Variants in OPCML observed in about 807,000 individuals in gnomAD.
OPCML encodes opioid binding protein/cell adhesion molecule like.
OPCML carries 13 observed loss-of-function variants against 37.8 expected under a neutral mutation model. The ratio of observed to expected loss-of-function variants is 0.34; its 90% confidence interval spans 0.22 to 0.55. The LOEUF (loss-of-function observed/expected upper bound fraction) is 0.55. Ranked by LOEUF, OPCML falls within the 20% of genes least tolerant of loss-of-function variation. The pLI is 0.91. For missense variants in OPCML, 341 were observed against 435.6 expected (o/e 0.78, Z 1.93); for synonymous variants, 176 against 168.8 (o/e 1.04, Z -0.33).
intron 3 of OPCML, among the ~76,000 whole-genome samples, chr11:132,650,198 G>C (rs902433575): frequency 6.6e-6 from 1 of 152,174 alleles, no homozygotes; most frequent in African/African-American, 2.4e-5. Flanking sequence ...CTAACTAGCA[G>C]TGTTAGTAAG....
intron 2 of OPCML, among the ~76,000 whole-genome samples, chr11:132,887,267 C>CT (rs2038138497): frequency 6.6e-6 from 1 of 152,190 alleles, no homozygotes; most frequent in Non-Finnish European, 1.5e-5. Context: ...ACCACGGAGC[C>CT]TAGGTGTGTG....
At chr11:132,430,971 G>T (rs533851772) in intron 7 of OPCML, among the ~76,000 whole-genome samples, 2 of 152,272 alleles carry the variant, frequency 1.3e-5, no homozygotes, top group East Asian at 3.9e-4. Flanking sequence ...CGAACTGAGA[G>T]AAAGTGAGTC....
chr11:133,217,548 T>C (rs516253), intron 1 of OPCML, among the ~76,000 whole-genome samples: 119,202 of 152,142 alleles, frequency 0.78, 47,072 homozygotes, highest in African/African-American at 0.87. Flanking sequence ...CACTTCCCTC[T>C]GCCCCACACG....
At chr11:133,096,102 A>G (rs1388579379) in intron 1 of OPCML, among the ~76,000 whole-genome samples, 1 of 150,180 alleles carries the variant, frequency 6.7e-6, no homozygotes, top group East Asian at 2.0e-4. Flanking sequence ...TTTCAAAGTT[A>G]TAATAGCAAC....
intron 3 of OPCML, among the ~76,000 whole-genome samples, chr11:132,559,369 G>A (rs1422755453): frequency 6.6e-6 from 1 of 152,180 alleles, no homozygotes; most frequent in Non-Finnish European, 1.5e-5. Flanking sequence ...AAGAAGTCAG[G>A]AGGGAGATGG....
At chr11:132,463,569 C>T (rs1168193362) in intron 4 of OPCML, among the ~76,000 whole-genome samples, 1 of 152,216 alleles carries the variant, frequency 6.6e-6, no homozygotes, top group South Asian at 2.1e-4. Context: ...CTGTACCACA[C>T]TGCAAGGATT....
chr11:132,811,866 G>A (rs1044186068), intron 2 of OPCML, among the ~76,000 whole-genome samples: 4 of 152,220 alleles, frequency 2.6e-5, no homozygotes, highest in Non-Finnish European at 5.9e-5. Flanking sequence ...TCAATAGGCA[G>A]ACGGATTAGA....
intron 1 of OPCML, among the ~76,000 whole-genome samples, chr11:133,479,035 T>C (rs1947313925): frequency 6.6e-6 from 1 of 152,208 alleles, no homozygotes; most frequent in South Asian, 2.1e-4. Flanking sequence ...ATCTGTATAA[T>C]GGAGATGATA....
intron 1 of OPCML, among the ~76,000 whole-genome samples, chr11:132,950,578 G>C (rs1272078768): frequency 6.6e-6 from 1 of 152,194 alleles, no homozygotes; most frequent in Non-Finnish European, 1.5e-5. Context: ...TTGAAGCTTA[G>C]CATGGAGGAC....
At chr11:132,994,234 CGG>C (rs1946836698) in intron 1 of OPCML, among the ~76,000 whole-genome samples, 1 of 152,172 alleles carries the variant, frequency 6.6e-6, no homozygotes, top group Non-Finnish European at 1.5e-5. Context: ...TGCCAGGAGC[CGG>C]CGCGCGCGGG....
At chr11:133,016,875 C>T (rs1017847537) in intron 1 of OPCML, among the ~76,000 whole-genome samples, 1 of 152,160 alleles carries the variant, frequency 6.6e-6, no homozygotes, top group Non-Finnish European at 1.5e-5. Context: ...GTTCTTGGTC[C>T]AAGGAGGTAT....
chr11:132,462,666 C>A (rs747290095), intron 4 of OPCML, among the ~76,000 whole-genome samples: 3 of 152,188 alleles, frequency 2.0e-5, no homozygotes, highest in African/African-American at 7.2e-5. Context: ...ATTGCATAAC[C>A]TCTCTAGAAG....
intron 2 of OPCML, among the ~76,000 whole-genome samples, chr11:132,878,352 AT>A (rs1307864256): frequency 1.3e-5 from 2 of 152,322 alleles, no homozygotes; most frequent in Non-Finnish European, 2.9e-5. Context: ...AGATTTAGTA[AT>A]GCAGATTGCC....
At chr11:133,166,802 T>C (rs932860734) in intron 1 of OPCML, among the ~76,000 whole-genome samples, 2 of 152,216 alleles carry the variant, frequency 1.3e-5, no homozygotes, top group Non-Finnish European at 2.9e-5. Flanking sequence ...CATTTGCAAT[T>C]ACCAGACCTG....
chr11:133,230,103 C>T lies in OPCML; in HGVS notation c.62-287093G>A, dbSNP rs558128754. Among the ~76,000 whole-genome samples, 13 of 152,354 alleles carry T rather than the reference C, an allele frequency of 8.5e-5. No homozygotes were observed. The East Asian group carries it at 9.6e-4, about 11-fold the overall frequency. On this transcript the variant is annotated intron_variant, in intron 1 of 7. Coordinates refer to ENST00000524381, the MANE Select transcript of OPCML (RefSeq NM_001012393.5). ...AAGCTTCCCAATGCGTCCCACCATG[C>T]ATTTCTACTCACCGTGGTCTTAGAG... is the stretch of plus-strand genomic sequence containing the variant.
At chr11:133,401,235 C>T (rs1192659662) in intron 1 of OPCML, among the ~76,000 whole-genome samples, 1 of 151,896 alleles carries the variant, frequency 6.6e-6, no homozygotes, top group Non-Finnish European at 1.5e-5. Context: ...TACAGAGTTC[C>T]AAGAAAGTAA....
chr11:133,371,044 G>A (rs1053281462), intron 1 of OPCML, among the ~76,000 whole-genome samples: 3 of 152,072 alleles, frequency 2.0e-5, no homozygotes, highest in South Asian at 2.1e-4. Context: ...GAAGACATAC[G>A]AATGACCAAC....
intron 4 of OPCML, among the ~76,000 whole-genome samples, chr11:132,477,690 T>C (rs1481400299): frequency 6.6e-6 from 1 of 152,160 alleles, no homozygotes; most frequent in Non-Finnish European, 1.5e-5. Context: ...GAACATATGT[T>C]TTTCTGGAGT....
intron 1 of OPCML, among the ~76,000 whole-genome samples, chr11:133,220,264 C>T (rs1292632215): frequency 6.6e-6 from 1 of 152,048 alleles, no homozygotes; most frequent in Non-Finnish European, 1.5e-5. Context: ...CTTATCTGGT[C>T]TCTGAGAGGA....
Sources: gnomAD v4.1 joint callset for allele counts (sites outside exome capture counted in the v4.1 genomes callset) on GRCh38, gnomAD v4.1.1 for gene constraint, MANE v1.5 for transcripts, NCBI Gene and HGNC (gene_info 2026-07-23, HGNC 2026-07-21) for gene names.